The following ARID1B variants were observed in gnomAD, a reference collection of about 807,000 sequenced individuals.
ARID1B encodes AT-rich interactive domain-containing protein 1B.
ARID1B carries 30 observed loss-of-function variants against 212.3 expected under a neutral mutation model. The observed-to-expected ratio is 0.14, with a 90% CI of 0.11 to 0.19. The LOEUF (loss-of-function observed/expected upper bound fraction) is 0.19, where lower values mean the gene tolerates loss of function less well. Among genes scored for constraint, ARID1B ranks in the 10% least tolerant of loss-of-function variants. ARID1B has a pLI of 1.00. For synonymous variants in ARID1B, 1,402 were observed against 1,301.7 expected, an observed-to-expected ratio of 1.08 and a Z score of -1.66; for missense variants, 2,891 against 3,204.0, an observed-to-expected ratio of 0.90 and a Z score of 2.36.
intron 4 of ARID1B, among the ~76,000 whole-genome samples, chr6:157,059,471 G>T (rs953013020): frequency 2.6e-5 from 4 of 152,226 alleles, no homozygotes; most frequent in Non-Finnish European, 4.4e-5. Context: ...GGTTAAAAGA[G>T]TCTGATTCAT....
At chr6:156,992,708 G>T (rs111743803) in intron 4 of ARID1B, among the ~76,000 whole-genome samples, 2 of 152,094 alleles carry the variant, frequency 1.3e-5, no homozygotes, top group Non-Finnish European at 2.9e-5. Flanking sequence ...CTGTTTCTGC[G>T]CAGAGGTCAC....
chr6:156,848,163 C>G (rs1784348224), intron 2 of ARID1B, among the ~76,000 whole-genome samples: 1 of 152,152 alleles, frequency 6.6e-6, no homozygotes, highest in Admixed American at 6.5e-5. Context: ...CTTATGAACC[C>G]AGAAAATGAA....
intron 4 of ARID1B, among the ~76,000 whole-genome samples, chr6:157,030,743 G>A (rs1169590809): frequency 2.0e-5 from 3 of 152,300 alleles, no homozygotes; most frequent in East Asian, 1.9e-4. Context: ...ACATCACACC[G>A]CCTTGAAATT....
chr6:156,895,790 A>C (rs570263882), intron 2 of ARID1B, among the ~76,000 whole-genome samples: 1 of 152,302 alleles, frequency 6.6e-6, no homozygotes, highest in East Asian at 1.9e-4. Context: ...TATAAAAATA[A>C]CATGTTACCC....
At chr6:157,144,573 A>G (rs967147492) in intron 7 of ARID1B, among the ~76,000 whole-genome samples, 1 of 152,246 alleles carries the variant, frequency 6.6e-6, no homozygotes, top group Non-Finnish European at 1.5e-5. Context: ...TTATCAGATC[A>G]TCTGGAAGCG....
chr6:157,100,024 C>T (rs539625870), intron 5 of ARID1B, among the ~76,000 whole-genome samples: 4 of 152,058 alleles, frequency 2.6e-5, no homozygotes, highest in Non-Finnish European at 5.9e-5. Flanking sequence ...AGTCTAGCCC[C>T]GTTTTGAATG....
At chr6:156,846,235 A>C (rs1327579002) in intron 2 of ARID1B, among the ~76,000 whole-genome samples, 1 of 151,628 alleles carries the variant, frequency 6.6e-6, no homozygotes, top group Non-Finnish European at 1.5e-5. Flanking sequence ...GCTCACTGCA[A>C]CCTCCGCCTC....
In ARID1B at chr6:157,137,526, G is replaced by A. The variant is rs189806088; in HGVS notation, c.2761+4319G>A. Among the ~76,000 whole-genome samples, 374 of 152,294 alleles carry A rather than the reference G, an allele frequency of 2.5e-3. 2 individuals are homozygous for A. Among genetic ancestry groups the A allele is most frequent in the African/African-American group, 8.6e-3 (359 of 41,550 alleles). Reference sequence around the variant, plus strand: ...TGTCCATAGCCTTTTTATTTCTTAAGGACAAAACTATCTTGTTTGTTTTTT... The same window carrying A: ...TGTCCATAGCCTTTTTATTTCTTAAAGACAAAACTATCTTGTTTGTTTTTT... On this transcript the variant is annotated intron_variant, in intron 7 of 19. Coordinates refer to ENST00000636930, the MANE Select transcript of ARID1B (RefSeq NM_001374828.1).
At chr6:157,131,563 AG>A (rs1430031682) in intron 6 of ARID1B, among the ~76,000 whole-genome samples, 1 of 152,044 alleles carries the variant, frequency 6.6e-6, no homozygotes, top group Non-Finnish European at 1.5e-5. Flanking sequence ...AGTGCAGTGG[AG>A]GGGGAGAAAG....
At chr6:156,934,895 A>G (rs1442803663) in intron 3 of ARID1B, among the ~76,000 whole-genome samples, 1 of 128,102 alleles carries the variant, frequency 7.8e-6, no homozygotes, top group Non-Finnish European at 1.6e-5. Context: ...TGGTCTCATA[A>G]TAAATTTAGT....
chr6:157,206,351 G>C lies in ARID1B; in HGVS notation c.5579G>C (p.Cys1860Ser). Residue 1860 changes from cysteine to serine, a missense_variant, in exon 20 of 20, where the codon TGT becomes TCT. Physicochemically the swap from Cys to Ser is moderately radical, Grantham distance 112 (BLOSUM62 -1). Coordinates refer to ENST00000636930, the MANE Select transcript of ARID1B (RefSeq NM_001374828.1). The surrounding 1 kb of genome is among the most constrained non-coding windows in gnomAD (Gnocchi z 6.8). ...DSGKEEEDAE[C>S]IDDDEEDEED... ...GGGAAAGAGGAGGAAGATGCTGAATGTATTGATGACGACGAGGAAGACGAG... is the reference window on the plus strand; with the variant it reads ...GGGAAAGAGGAGGAAGATGCTGAATCTATTGATGACGACGAGGAAGACGAG... The C allele has an allele frequency of 6.2e-7, 1 of 1,614,206 alleles. No homozygotes were observed. Among genetic ancestry groups the C allele is most frequent in the African/African-American group, 1.3e-5 (1 of 75,050 alleles).
At chr6:157,173,919 C>T (rs1343765396) in intron 9 of ARID1B, 89 bp from the exon 10 acceptor site, 4 of 1,125,168 alleles carry the variant, frequency 3.6e-6, no homozygotes, top group African/African-American at 1.6e-5. Context: ...GCAAGGGCCT[C>T]CTGCTTCACT....
chr6:156,911,991 T>A (rs1562479856), intron 3 of ARID1B, among the ~76,000 whole-genome samples: 1 of 152,250 alleles, frequency 6.6e-6, no homozygotes, highest in East Asian at 1.9e-4. Context: ...GTAAATAAAA[T>A]ACAAATACAT....
At position 157,208,040 on chromosome 6, in the gene ARID1B, A is replaced by G. The variant is rs1316214815; in HGVS notation, c.*149A>G. 7.5e-6 allele frequency: 6 copies of G among 802,056 alleles called. No homozygotes were observed. Among genetic ancestry groups the G allele is most frequent in the Non-Finnish European group, 1.1e-5 (6 of 569,292 alleles). 49.7% of individuals were successfully genotyped at this position (802,056 alleles called of 1,614,324 possible). On this transcript the variant is annotated 3_prime_UTR_variant, in exon 20 of 20. Coordinates refer to ENST00000636930, the MANE Select transcript of ARID1B (RefSeq NM_001374828.1). ...TCACTATTTACCAATTGGGAATTAA[A>G]GAAATAATTAATTTGAACAGTTATG...
In ARID1B at chr6:157,200,947, G is replaced by C; in HGVS notation, c.4722G>C (p.Pro1574=). The change falls in exon 18 of 20, where the codon CCG becomes CCC. Residue 1574 remains proline, a synonymous_variant. Transcript: ENST00000636930. This position sits in a 1 kb window ranked among gnomAD's most constrained non-coding sequence, Gnocchi z 4.3. ...TCCCGCCTCAGATGATGGGCGGCCC[G>C]CTGCAGTCGTCCTCCAGTGAGGGGC... is the stretch of plus-strand genomic sequence containing the variant. ...HGIPPQMMGG[P]LQSSSSEGPQ... The C allele has an allele frequency of 6.2e-7, 1 of 1,614,000 alleles. No individual in the cohort carries two copies. Among genetic ancestry groups the C allele is most frequent in the African/African-American group, 1.3e-5 (1 of 75,074 alleles).
chr6:157,128,338 T>G (rs1788297618), intron 6 of ARID1B, among the ~76,000 whole-genome samples: 1 of 152,178 alleles, frequency 6.6e-6, no homozygotes, highest in Admixed American at 6.5e-5. Flanking sequence ...ACGTGTAACC[T>G]TTCTCTTCCT....
chr6:157,111,904 C>T (rs1264677544), intron 6 of ARID1B, among the ~76,000 whole-genome samples: 4 of 152,248 alleles, frequency 2.6e-5, no homozygotes, highest in Non-Finnish European at 2.9e-5. Flanking sequence ...CTGGGCCCCA[C>T]CCCCAAGTTT....
At chr6:157,047,119 T>C (rs1019990106) in intron 4 of ARID1B, among the ~76,000 whole-genome samples, 1 of 152,246 alleles carries the variant, frequency 6.6e-6, no homozygotes. Flanking sequence ...CAATTTCATA[T>C]GGTTCAACCC....
At chr6:156,850,384 T>C (rs1784505058) in intron 2 of ARID1B, among the ~76,000 whole-genome samples, 1 of 152,248 alleles carries the variant, frequency 6.6e-6, no homozygotes, top group African/African-American at 2.4e-5. Context: ...TAAATATTTT[T>C]CTTTTTGAGG....
Sources: gnomAD v4.1 joint callset for allele counts (sites outside exome capture counted in the v4.1 genomes callset) on GRCh38, gnomAD v4.1.1 for gene constraint, Gnocchi (gnomAD v3.1) non-coding constraint, MANE v1.5 for transcripts, NCBI Gene and HGNC (gene_info 2026-07-23, HGNC 2026-07-21) for gene names.